ZNF765: variants seen among roughly 807,000 people sequenced by gnomAD.
ZNF765 encodes the protein zinc finger protein 765.
In ZNF765, 37 loss-of-function variants were observed where a neutral mutation model predicts 44.7. The observed-to-expected ratio is 0.83, with a 90% CI of 0.64 to 1.09. The LOEUF (loss-of-function observed/expected upper bound fraction) is 1.09, where lower values mean the gene tolerates loss of function less well. Ranked by LOEUF, ZNF765 falls within the 50% of genes least tolerant of loss-of-function variation. The pLI is 0.00. For synonymous variants in ZNF765, 201 were observed against 213.7 expected (o/e 0.94, Z 0.52); for missense variants, 594 against 626.1 (o/e 0.95, Z 0.55).
chr19:53,418,544 G>T (rs2085888205), intron 3 of ZNF765, among the ~76,000 whole-genome samples: 1 of 152,054 alleles, frequency 6.6e-6, no homozygotes, highest in Non-Finnish European at 1.5e-5. Context: ...GATGGGTGAG[G>T]TGACTGTTTT....
chr19:53,413,095 A>G, downstream of ZNF765: 1 of 378,536 alleles, frequency 2.6e-6, no homozygotes, highest in South Asian at 2.1e-5. Flanking sequence ...GCGCAACAAG[A>G]GCGAAACTTT....
chr19:53,408,133 G>T lies in ZNF765; in HGVS notation c.578G>T (p.Gly193Val), dbSNP rs970019293. The T allele has an allele frequency of 1.9e-5, 30 of 1,613,810 alleles. No homozygotes were observed. The highest frequency in any genetic ancestry group is 2.3e-5 in the Non-Finnish European group (27 of 1,179,934). Reference protein sequence around the residue: ...RPETHISNDYGNNFLNSSLFT... With the variant: ...RPETHISNDYVNNFLNSSLFT... ...GAAACCCATATTTCTAATGACTATG[G>T]GAATAATTTCCTGAATTCTTCATTA... Residue 193 changes from glycine to valine, a missense_variant, in exon 4 of 4, where the codon GGG (glycine) becomes GTG (valine). This residue lies in a region of ZNF765 where 567 missense variants were observed against 572.6 expected (regional missense o/e 0.99). Coordinates refer to ENST00000396408, the MANE Select transcript of ZNF765 (RefSeq NM_001040185.3).
downstream of ZNF765, chr19:53,413,112 AAAAG>A (rs2085845908): frequency 3.1e-6 from 1 of 325,550 alleles, no homozygotes; most frequent in East Asian, 6.4e-5. Context: ...CTTTGTCTCA[AAAAG>A]AAAAAAAAAA....
intron 3 of ZNF765, among the ~76,000 whole-genome samples, chr19:53,418,629 G>T (rs2085888868): frequency 6.6e-6 from 1 of 152,144 alleles, no homozygotes; most frequent in South Asian, 2.1e-4. Context: ...GGGCATCGGG[G>T]CTCATGCCCG....
Position 53,408,632 on chromosome 19 carries a change from G to A in ZNF765, c.1077G>A (p.Glu359=). 6.2e-7 allele frequency: 1 copy of A among 1,613,688 alleles called. No individual in the cohort carries two copies. Among genetic ancestry groups the A allele is most frequent in the Non-Finnish European group, 8.5e-7 (1 of 1,179,918 alleles). The change falls in exon 4 of 4, where the codon GAG becomes GAA. Residue 359 remains glutamate (E), a synonymous_variant. Transcript: ENST00000396408. ...GAGAGAAACCTTACAAGTGTAATGA[G>A]TGTGGCAAGACCTTTAGTCGGAAGT... is the stretch of plus-strand genomic sequence containing the variant. The part of the protein sequence containing the change: ...HTGEKPYKCN[E]CGKTFSRKSH...
chr19:53,409,801 C>T lies in ZNF765; in HGVS notation c.*674C>T, dbSNP rs1230828911. The T allele has an allele frequency of 1.3e-6, 1 of 758,160 alleles. No homozygotes were observed. Among genetic ancestry groups the T allele is most frequent in the East Asian group, 2.8e-5 (1 of 35,532 alleles). 47.0% of individuals were successfully genotyped at this position (758,160 alleles called of 1,614,324 possible). A position where few individuals can be genotyped will look rare whatever the true frequency, so the allele number is the denominator to read the frequency against. ...TACCTTAAAAGTGTAGTGAGTGTGG[C>T]AAGACCTTTAGTCTGAAGTCATACC... On this transcript the variant is annotated 3_prime_UTR_variant, in exon 4 of 4. Coordinates refer to ENST00000396408, the MANE Select transcript of ZNF765 (RefSeq NM_001040185.3).
At chr19:53,413,950 C>T (rs1401358863), downstream of ZNF765, among the ~76,000 whole-genome samples, 5 of 43,812 alleles carry the variant, frequency 1.1e-4, no homozygotes, top group East Asian at 2.8e-3. Context: ...AAAAAAAAAG[C>T]TACATAGAGG....
downstream of ZNF765, chr19:53,413,192 ATCT>A (rs1469278730): frequency 1.2e-5 from 7 of 581,380 alleles, no homozygotes; most frequent in South Asian, 4.1e-5. Context: ...CTCTCACCAG[ATCT>A]TCTTATAAGA....
At chr19:53,421,735 A>G (rs1486255435) in intron 3 of ZNF765, among the ~76,000 whole-genome samples, 1 of 152,128 alleles carries the variant, frequency 6.6e-6, no homozygotes, top group African/African-American at 2.4e-5. Context: ...GCTGGTCTCA[A>G]ACTCCCAACC....
At chr19:53,420,324 C>G (rs560887277) in intron 3 of ZNF765, among the ~76,000 whole-genome samples, 1 of 152,222 alleles carries the variant, frequency 6.6e-6, no homozygotes, top group East Asian at 1.9e-4. Flanking sequence ...GAGCAAGTAT[C>G]CATCTCAAAA....
chr19:53,412,090 C>T, downstream of ZNF765: 1 of 223,054 alleles, frequency 4.5e-6, no homozygotes, highest in Non-Finnish European at 9.0e-6. Context: ...GGGGTGAGAG[C>T]ACTCTTGCAT....
chr19:53,401,472 A>G (rs1405225014), intron 2 of ZNF765, among the ~76,000 whole-genome samples: 1 of 151,668 alleles, frequency 6.6e-6, no homozygotes, highest in Non-Finnish European at 1.5e-5. Flanking sequence ...CTGAGGCAGG[A>G]GAATGGCGTG....
Position 53,410,732 on chromosome 19 carries a change from G to T in ZNF765, c.*1605G>T. 2.4e-6 allele frequency: 1 copy of T among 423,628 alleles called. No homozygotes were observed. The highest frequency in any genetic ancestry group is 1.8e-5 in the South Asian group (1 of 54,684). The allele number at this position is 423,628 out of a possible 1,614,324, so 26.2% of individuals were successfully genotyped here. A position where few individuals can be genotyped will look rare whatever the true frequency, so the allele number is the denominator to read the frequency against. ...TGTTCATAACTTGCAGTTCATCGGC[G>T]AACTCGTACTGGAGAGAAACCTTAC... is the stretch of plus-strand genomic sequence containing the variant. On this transcript the variant is annotated 3_prime_UTR_variant, in exon 4 of 4. Coordinates refer to ENST00000396408, the MANE Select transcript of ZNF765 (RefSeq NM_001040185.3).
exon 4 of ZNF765, chr19:53,425,082 G>A (rs1472067217): frequency 6.6e-6 from 1 of 152,274 alleles, no homozygotes; most frequent in African/African-American, 2.4e-5. Context: ...AGCAGGAAAG[G>A]ACAAGGAGTC....
chr19:53,396,247 T>C (rs117970521), intron 1 of ZNF765, among the ~76,000 whole-genome samples: 95,960 of 150,030 alleles, frequency 0.64, 30,635 homozygotes, highest in South Asian at 0.67. Flanking sequence ...AGAGTGGGGA[T>C]GAGGGTATAA....
chr19:53,416,849 G>A (rs968976719), downstream of ZNF765, among the ~76,000 whole-genome samples: 4 of 149,184 alleles, frequency 2.7e-5, no homozygotes, highest in Non-Finnish European at 4.4e-5. Flanking sequence ...ACCAAGTCTC[G>A]CTCTGTAGCC....
At chr19:53,413,548 A>C (rs1405435311), downstream of ZNF765, among the ~76,000 whole-genome samples, 1 of 151,802 alleles carries the variant, frequency 6.6e-6, no homozygotes, top group Admixed American at 6.6e-5. Context: ...TTAAAAAAAA[A>C]GTCAAATGAT....
rs35520888 is a variant in ZNF765 at position 53,400,763 on chromosome 19, CAT to C, written c.16-1282_16-1281del. 3.4e-4 allele frequency among the ~76,000 whole-genome samples: 40 copies of C among 116,828 alleles called. 3 individuals carry two copies. The highest frequency in any genetic ancestry group is 6.3e-4 in the African/African-American group (19 of 30,316). The allele number at this position is 116,828 out of a possible 152,430, so 76.6% of individuals were successfully genotyped here. A position where few individuals can be genotyped will look rare whatever the true frequency, so the allele number is the denominator to read the frequency against. On this transcript the variant is annotated intron_variant, in intron 2 of 3. Transcript: ENST00000396408. ...CTGTGTAGGTTTCATTATTTGTTGACATATATATATATATATATATACACACA... is the reference window on the plus strand; with the variant it reads ...CTGTGTAGGTTTCATTATTTGTTGACATATATATATATATATATACACACA...
chr19:53,415,123 A>G (rs2085867244), downstream of ZNF765, among the ~76,000 whole-genome samples: 1 of 152,044 alleles, frequency 6.6e-6, no homozygotes, highest in South Asian at 2.1e-4. Flanking sequence ...GTACAAAATT[A>G]GCCTGGCATG....
Sources: gnomAD v4.1 joint callset for allele counts (sites outside exome capture counted in the v4.1 genomes callset) on GRCh38, gnomAD v4.1.1 for gene constraint, gnomAD v4.1.1 regional missense constraint, MANE v1.5 for transcripts, NCBI Gene and HGNC (gene_info 2026-07-23, HGNC 2026-07-21) for gene names.